The following COX19 variants were observed in gnomAD, a reference collection of about 807,000 sequenced individuals.
The protein encoded by COX19 is cytochrome c oxidase assembly protein COX19.
In COX19, 8 loss-of-function variants were observed where a neutral mutation model predicts 6.8. That is an observed-to-expected ratio of 1.18 (90% CI 0.69 to 2.12). COX19 has a LOEUF of 2.12. Ranked by LOEUF, COX19 falls within the 30% of genes most tolerant of loss-of-function variation. COX19 has a pLI of 0.00. For synonymous variants in COX19, 51 were observed against 38.0 expected (o/e 1.34, Z -1.26); for missense variants, 131 against 104.6 (o/e 1.25, Z -1.10).
chr7:973,119 G>GAA, intron 2 of COX19, 62 bp downstream of exon 2: 1 of 1,181,484 alleles, frequency 8.5e-7, no homozygotes, highest in Non-Finnish European at 1.1e-6. Context: ...GGCCTTTCAG[G>GAA]AAAAAAAAAG....
intron 2 of COX19, among the ~76,000 whole-genome samples, chr7:970,948 T>G (rs969198346): frequency 6.6e-6 from 1 of 152,148 alleles, no homozygotes; most frequent in African/African-American, 2.4e-5. Context: ...AGCATGACTC[T>G]TTATGGGCCC....
chr7:973,915 G>A (rs1460647542), intron 1 of COX19, among the ~76,000 whole-genome samples: 1 of 146,400 alleles, frequency 6.8e-6, no homozygotes, highest in Non-Finnish European at 1.5e-5. Flanking sequence ...GCAGCGAGTC[G>A]AGATCACACC....
chr7:969,573 G>C (rs1205872627), intron 2 of COX19, 117 bp from the exon 3 acceptor site: 1 of 733,332 alleles, frequency 1.4e-6, no homozygotes, highest in East Asian at 2.5e-5. Flanking sequence ...TCTATGTCCT[G>C]GGAGAGTGGC....
intron 2 of COX19, among the ~76,000 whole-genome samples, chr7:971,920 GC>G (rs1335757002): frequency 6.6e-6 from 1 of 152,102 alleles, no homozygotes; most frequent in Non-Finnish European, 1.5e-5. Flanking sequence ...CAGAACACAT[GC>G]CCTGAACATT....
At position 975,266 on chromosome 7, in the gene COX19, G is replaced by A. The variant is rs1259440512; in HGVS notation, c.82+162C>T. 7 of 555,164 alleles carry A rather than the reference G, an allele frequency of 1.3e-5. No homozygotes were observed. In the African/African-American group the frequency reaches 1.4e-4, roughly 11 times the overall value. The allele number at this position is 555,164 out of a possible 1,614,324, so 34.4% of individuals were successfully genotyped here. On this transcript the variant is annotated intron_variant, in intron 1 of 2. Coordinates refer to ENST00000344111, the MANE Select transcript of COX19 (RefSeq NM_001031617.3). ...AGCTCCCACCTGCAGGGTCCATGCCGCAGCAGTGACCCAGGGCTGGGTGGG... is the reference window on the plus strand; with the variant it reads ...AGCTCCCACCTGCAGGGTCCATGCCACAGCAGTGACCCAGGGCTGGGTGGG...
intron 2 of COX19, among the ~76,000 whole-genome samples, chr7:969,752 G>A (rs1270242483): frequency 6.6e-6 from 1 of 152,124 alleles, no homozygotes; most frequent in African/African-American, 2.4e-5. Context: ...ACTTCCCCAC[G>A]TCCTGCTAAA....
At position 969,343 on chromosome 7, in the gene COX19, C is replaced by G. The variant is rs751723244; in HGVS notation, c.*35G>C. On this transcript the variant is annotated 3_prime_UTR_variant, in exon 3 of 3. Transcript: ENST00000344111. ...GATGATGCCCTCCGTCCTGAGAGAC[C>G]ACTGAACACGGCCCAGGGGTCTTCT... 1 of 1,346,874 alleles carries G rather than the reference C, an allele frequency of 7.4e-7. No homozygotes were observed. Among genetic ancestry groups the G allele is most frequent in the Non-Finnish European group, 1.1e-6 (1 of 936,454 alleles). The allele number at this position is 1,346,874 out of a possible 1,614,324, so 83.4% of individuals were successfully genotyped here.
rs763166363 is a variant in COX19, at chr7:970,429, C to T, written c.195-973G>A. Among the ~76,000 whole-genome samples the T allele has an allele frequency of 1.7e-4, 25 of 150,910 alleles. No individual in the cohort carries two copies. In the Middle Eastern group the frequency reaches 0.01, roughly 62 times the overall value. On this transcript the variant is annotated intron_variant, in intron 2 of 2. Coordinates refer to ENST00000344111, the MANE Select transcript of COX19 (RefSeq NM_001031617.3). Reference sequence around the variant, plus strand: ...GATTACATGCATGAGCCACACTGCCCGGCCAGCTAATTTTTTTTTTTTTTT... The same window carrying T: ...GATTACATGCATGAGCCACACTGCCTGGCCAGCTAATTTTTTTTTTTTTTT...
chr7:974,544 A>G (rs534777238), intron 1 of COX19, among the ~76,000 whole-genome samples: 83 of 152,374 alleles, frequency 5.4e-4, no homozygotes, highest in Admixed American at 5.4e-3. Context: ...GGTGCAATGT[A>G]GGTGATGGTC....
chr7:975,141 C>T, intron 1 of COX19: 1 of 377,960 alleles, frequency 2.6e-6, no homozygotes, highest in East Asian at 4.3e-5. Flanking sequence ...ACCCGGGGCA[C>T]AGACAGCCCG....
Position 975,459 on chromosome 7 carries a change from CG to C in COX19, c.50del (p.Pro17ArgfsTer11), listed in dbSNP as rs1455843189. On this transcript the variant is annotated frameshift_variant, in exon 1 of 3. Coordinates refer to ENST00000344111, the MANE Select transcript of COX19 (RefSeq NM_001031617.3). LOFTEE classifies it high-confidence loss of function. ...GATCCAGCGGGAAGCTGCCCTTGTCCGGGGGCCGCGGCTGGAAGCTCTTGGT... is the reference window on the plus strand; with the variant it reads ...GATCCAGCGGGAAGCTGCCCTTGTCCGGGGCCGCGGCTGGAAGCTCTTGGT... ...FGTKSFQPRP[P>X]DKGSFPLDHL... 2.5e-6 allele frequency: 4 copies of C among 1,600,560 alleles called. No individual in the cohort carries two copies. The highest frequency in any genetic ancestry group is 1.7e-5 in the Admixed American group (1 of 59,002).
chr7:970,023 G>C (rs1583202837), intron 2 of COX19, among the ~76,000 whole-genome samples: 1 of 150,262 alleles, frequency 6.7e-6, no homozygotes, highest in Non-Finnish European at 1.5e-5. Flanking sequence ...GGATGCAGTG[G>C]TGTGATCAGC....
intron 2 of COX19, among the ~76,000 whole-genome samples, chr7:969,881 G>A (rs1407105264): frequency 1.3e-5 from 2 of 151,982 alleles, no homozygotes; most frequent in African/African-American, 2.4e-5. Context: ...CACTGTCCAC[G>A]GCACCCTGGC....
At chr7:970,295 C>T (rs150600545) in intron 2 of COX19, among the ~76,000 whole-genome samples, 8 of 152,036 alleles carry the variant, frequency 5.3e-5, no homozygotes, top group South Asian at 2.1e-4. Context: ...TCACCACGCC[C>T]GGCTAATTCT....
intron 2 of COX19, among the ~76,000 whole-genome samples, chr7:971,197 G>T (rs147249253): frequency 6.6e-6 from 1 of 152,270 alleles, no homozygotes; most frequent in African/African-American, 2.4e-5. Flanking sequence ...AGGACAGGAC[G>T]CGAACTTCTA....
In COX19 at chr7:967,009, C is replaced by T. The variant is rs912203792; in HGVS notation, c.*2369G>A. The T allele has an allele frequency of 1.3e-5, 2 of 152,220 alleles. No individual in the cohort carries two copies. The highest frequency in any genetic ancestry group is 4.8e-5 in the African/African-American group (2 of 41,442). 9.4% of individuals were successfully genotyped at this position (152,220 alleles called of 1,614,324 possible). A position where few individuals can be genotyped will look rare whatever the true frequency, so the allele number is the denominator to read the frequency against. On this transcript the variant is annotated 3_prime_UTR_variant, in exon 3 of 3. Coordinates refer to ENST00000344111, the MANE Select transcript of COX19 (RefSeq NM_001031617.3). ...CAGGACAGTGGTGATGCTGGCGACT[C>T]AGACACACCAGAGAAGCTGCCAAGC...
At chr7:975,249 C>A in intron 1 of COX19, 179 bp downstream of exon 1, 1 of 493,078 alleles carries the variant, frequency 2.0e-6, no homozygotes, top group Admixed American at 4.2e-5. Context: ...CCAGCTCCCA[C>A]CTGCAGGGTC....
rs1282580430 is a variant in COX19, at chr7:966,744, G to A, written c.*2634C>T. 1 of 152,284 alleles carries A rather than the reference G, an allele frequency of 6.6e-6. No individual in the cohort carries two copies. The highest frequency in any genetic ancestry group is 1.5e-5 in the Non-Finnish European group (1 of 68,096). The allele number at this position is 152,284 out of a possible 1,614,324, so 9.4% of individuals were successfully genotyped here. On this transcript the variant is annotated 3_prime_UTR_variant, in exon 3 of 3. Transcript: ENST00000344111. ...TTTCAGTTACCCATGGTCAGCCACA[G>A]TCCAAAAATACTAAGTGGAAAATTC...
intron 2 of COX19, among the ~76,000 whole-genome samples, chr7:970,419 C>G (rs1847618893): frequency 6.6e-6 from 1 of 151,086 alleles, no homozygotes; most frequent in Non-Finnish European, 1.5e-5. Flanking sequence ...CATGCATGAG[C>G]CACACTGCCC....
Sources: gnomAD v4.1 joint callset for allele counts (sites outside exome capture counted in the v4.1 genomes callset) on GRCh38, gnomAD v4.1.1 for gene constraint, MANE v1.5 for transcripts, NCBI Gene and HGNC (gene_info 2026-07-23, HGNC 2026-07-21) for gene names.